Variants in BCAS3 observed in about 807,000 individuals in gnomAD.
The protein encoded by BCAS3 is BCAS3 microtubule associated cell migration factor, also known as BCAS4/BCAS3 fusion.
Under a neutral mutation model 116.1 loss-of-function variants are expected in BCAS3, and 53 were observed. That is an observed-to-expected ratio of 0.46 (90% confidence interval 0.37 to 0.57). The LOEUF (loss-of-function observed/expected upper bound fraction) is 0.57, where lower values mean the gene tolerates loss of function less well. Ranked by LOEUF, BCAS3 falls within the 20% of genes least tolerant of loss-of-function variation. BCAS3 has a pLI of 0.00. For synonymous variants in BCAS3, 391 were observed against 408.2 expected, an observed-to-expected ratio of 0.96 and a Z score of 0.51; for missense variants, 917 against 1,165.4, an observed-to-expected ratio of 0.79 and a Z score of 3.10.
At chr17:61,086,601 A>G (rs1442003107) in intron 22 of BCAS3, 1 of 746,530 alleles carries the variant, frequency 1.3e-6, no homozygotes, top group African/African-American at 1.9e-5. Flanking sequence ...GATACACTGT[A>G]TGAGTTTCGA....
At chr17:60,865,314 C>T (rs932642323) in intron 7 of BCAS3, among the ~76,000 whole-genome samples, 4 of 152,002 alleles carry the variant, frequency 2.6e-5, no homozygotes, top group South Asian at 2.1e-4. Flanking sequence ...AGCTTGTCAT[C>T]GTCTTTAAAA....
chr17:61,251,492 C>A lies in BCAS3; in HGVS notation c.2426-116835C>A, dbSNP rs1467061522. On this transcript the variant is annotated intron_variant, in intron 22 of 23. Transcript: ENST00000407086. This position sits in a 1 kb window ranked among gnomAD's most constrained non-coding sequence, Gnocchi z 4.7. ...GGCTGAGGCAGGAGAATCACTTGAA[C>A]GCGGGATGCAGAGGTTGCAGTGAGC... Among the ~76,000 whole-genome samples, 1 of 151,764 alleles carries A rather than the reference C, an allele frequency of 6.6e-6. No individual in the cohort carries two copies. Among genetic ancestry groups the A allele is most frequent in the African/African-American group, 2.4e-5 (1 of 41,308 alleles).
intron 22 of BCAS3, among the ~76,000 whole-genome samples, chr17:61,185,138 T>C (rs1442625063): frequency 6.6e-6 from 1 of 151,948 alleles, no homozygotes. Context: ...TGACAGAAAC[T>C]CTTTACCAAA....
chr17:60,736,892 CCCTCCCTT>C (rs1555686050), intron 5 of BCAS3, among the ~76,000 whole-genome samples: 408 of 130,574 alleles, frequency 3.1e-3, no homozygotes, highest in Non-Finnish European at 3.9e-3. Context: ...CTCCCTCCCT[CCCTCCCTT>C]CCTCCCTTCC....
rs745650362 is a variant in BCAS3 at position 61,367,277 on chromosome 17, C to T, written c.2426-1050C>T. 2.6e-5 allele frequency among the ~76,000 whole-genome samples: 4 copies of T among 152,206 alleles called. No individual in the cohort carries two copies. Among genetic ancestry groups the T allele is most frequent in the Non-Finnish European group, 4.4e-5 (3 of 68,034 alleles). On this transcript the variant is annotated intron_variant, in intron 22 of 23. Coordinates refer to ENST00000407086, the MANE Select transcript of BCAS3 (RefSeq NM_017679.5). This position sits in a 1 kb window ranked among gnomAD's most constrained non-coding sequence, Gnocchi z 6.2. ...AATGCAGTGGATTCAGTTACCTAAT[C>T]GCTGGGGAAATGGTATGTGCTTAAA...
chr17:61,375,901 G>A (rs958419778), intron 23 of BCAS3, among the ~76,000 whole-genome samples: 2 of 152,076 alleles, frequency 1.3e-5, no homozygotes, highest in Non-Finnish European at 2.9e-5. Context: ...CCTACTCTCT[G>A]GTCAGTCTCA....
chr17:61,045,953 A>G lies in BCAS3; in HGVS notation c.2029+5061A>G, dbSNP rs1266962020. Reference sequence around the variant, plus strand: ...ATATAAATATATATATTATATATATAAATATATATATAATATATATATATT... The same window carrying G: ...ATATAAATATATATATTATATATATGAATATATATATAATATATATATATT... On this transcript the variant is annotated intron_variant, in intron 19 of 23. Coordinates refer to ENST00000407086, the MANE Select transcript of BCAS3 (RefSeq NM_017679.5). 3.9e-4 allele frequency among the ~76,000 whole-genome samples: 5 copies of G among 12,750 alleles called. No homozygotes were observed. The African/African-American group carries it at 4.8e-3, about 12-fold the overall frequency. The allele number at this position is 12,750 out of a possible 152,430, so 8.4% of individuals were successfully genotyped here. A position where few individuals can be genotyped will look rare whatever the true frequency, so the allele number is the denominator to read the frequency against.
At chr17:60,889,632 T>C (rs1218979317) in intron 9 of BCAS3, 63 bp from the exon 10 acceptor site, 4 of 1,335,624 alleles carry the variant, frequency 3.0e-6, no homozygotes, top group Non-Finnish European at 3.2e-6. Flanking sequence ...GGCATCGATA[T>C]ATGATGCACC....
chr17:60,963,591 T>C (rs1009591851), intron 14 of BCAS3, among the ~76,000 whole-genome samples: 1 of 150,914 alleles, frequency 6.6e-6, no homozygotes, highest in African/African-American at 2.4e-5. Context: ...AGTTTTGCTC[T>C]GTCGCCCAGG....
At position 61,144,874 on chromosome 17, in the gene BCAS3, A is replaced by G. The variant is rs957604520; in HGVS notation, c.2425+60310A>G. Among the ~76,000 whole-genome samples, 1 of 152,236 alleles carries G rather than the reference A, an allele frequency of 6.6e-6. No individual in the cohort carries two copies. On this transcript the variant is annotated intron_variant, in intron 22 of 23. Coordinates refer to ENST00000407086, the MANE Select transcript of BCAS3 (RefSeq NM_017679.5). This position sits in a 1 kb window ranked among gnomAD's most constrained non-coding sequence, Gnocchi z 5.0. ...CTGCTAAGATTCGCAGATTAAGATC[A>G]TTATAGCATTTGAGTAGGCCCTCAG... is the stretch of plus-strand genomic sequence containing the variant.
At position 61,226,896 on chromosome 17, in the gene BCAS3, A is replaced by G. The variant is rs938381358; in HGVS notation, c.2426-141431A>G. ...CTGTCAGTTTGCCTGCCTATATCCT[A>G]TAATATCCCTTTCCTTTTTAATTTG... On this transcript the variant is annotated intron_variant, in intron 22 of 23. Transcript: ENST00000407086. The surrounding 1 kb of genome is among the most constrained non-coding windows in gnomAD (Gnocchi z 6.0). Among the ~76,000 whole-genome samples, 2 of 152,300 alleles carry G rather than the reference A, an allele frequency of 1.3e-5. No individual in the cohort carries two copies. The highest frequency in any genetic ancestry group is 1.9e-4 in the East Asian group (1 of 5,182).
chr17:60,848,609 A>T (rs1247103548), intron 7 of BCAS3, among the ~76,000 whole-genome samples: 21 of 151,968 alleles, frequency 1.4e-4, no homozygotes, highest in Non-Finnish European at 1.8e-4. Flanking sequence ...CTTGTTCCTG[A>T]TGTTAGGGGA....
At chr17:60,826,305 T>C (rs746315415) in intron 7 of BCAS3, among the ~76,000 whole-genome samples, 1 of 152,144 alleles carries the variant, frequency 6.6e-6, no homozygotes. Context: ...AGCCTCAGCC[T>C]CCTGAGTAGC....
At chr17:61,319,901 T>A (rs2055059360) in intron 22 of BCAS3, among the ~76,000 whole-genome samples, 3 of 150,536 alleles carry the variant, frequency 2.0e-5, no homozygotes, top group Non-Finnish European at 3.0e-5. Flanking sequence ...TTTTTATTTT[T>A]TTTTTTTGAG....
chr17:60,924,941 G>T (rs1408061509), intron 13 of BCAS3, among the ~76,000 whole-genome samples: 1 of 149,658 alleles, frequency 6.7e-6, no homozygotes, highest in Non-Finnish European at 1.5e-5. Context: ...TCTTCTTAAG[G>T]TTTACTCCTT....
intron 13 of BCAS3, among the ~76,000 whole-genome samples, chr17:60,936,864 T>C (rs142012128): frequency 7.9e-4 from 121 of 152,346 alleles, no homozygotes; most frequent in Non-Finnish European, 5.7e-4. Context: ...TTTAGTTTAA[T>C]TAGATCCCAT....
intron 22 of BCAS3, among the ~76,000 whole-genome samples, chr17:61,100,894 G>T (rs993089357): frequency 6.6e-6 from 1 of 152,010 alleles, no homozygotes; most frequent in Admixed American, 6.5e-5. Flanking sequence ...AGTTGAAGAT[G>T]CTGAGGTTAA....
At chr17:61,311,756 T>A (rs531256197) in intron 22 of BCAS3, among the ~76,000 whole-genome samples, 10 of 152,144 alleles carry the variant, frequency 6.6e-5, no homozygotes, top group Admixed American at 2.0e-4. Flanking sequence ...TAGCTGGGCA[T>A]GGTGGCGGGC....
chr17:60,906,291 G>A (rs1488298796), intron 11 of BCAS3, among the ~76,000 whole-genome samples: 4 of 152,136 alleles, frequency 2.6e-5, no homozygotes, highest in African/African-American at 9.7e-5. Context: ...TTGAGTTTGG[G>A]ATGACAGTGG....
Sources: allele counts gnomAD v4.1 joint callset (sites outside exome capture counted in the v4.1 genomes callset), GRCh38; gene constraint gnomAD v4.1.1; non-coding constraint Gnocchi (gnomAD v3.1); transcripts MANE v1.5; gene names NCBI Gene and HGNC (gene_info 2026-07-23, HGNC 2026-07-21).